Variants in LSAMP observed in about 807,000 individuals in gnomAD.
The protein encoded by LSAMP is limbic system associated membrane protein.
Under a neutral mutation model 38.6 loss-of-function variants are expected in LSAMP, and 7 were observed. The observed-to-expected ratio is 0.18, with a 90% CI of 0.10 to 0.34. LSAMP has a LOEUF of 0.34. LSAMP is among the 10% of genes least tolerant of loss of function. LSAMP has a pLI of 1.00. For synonymous variants in LSAMP, 154 were observed against 166.8 expected, an observed-to-expected ratio of 0.92 and a Z score of 0.59; for missense variants, 313 against 420.0, an observed-to-expected ratio of 0.75 and a Z score of 2.23.
intron 3 of LSAMP, among the ~76,000 whole-genome samples, chr3:115,904,105 G>A (rs1033382020): frequency 2.6e-5 from 4 of 151,822 alleles, no homozygotes; most frequent in African/African-American, 9.7e-5. Context: ...ATCTGTCGAC[G>A]GTAGTCAAAA....
chr3:116,208,681 CT>C (rs1369905065), intron 1 of LSAMP, among the ~76,000 whole-genome samples: 1 of 152,154 alleles, frequency 6.6e-6, no homozygotes, highest in Non-Finnish European at 1.5e-5. Context: ...CAGTGTGCCC[CT>C]GCTGGGGGGT....
chr3:115,944,476 T>C (rs1938031076), intron 3 of LSAMP, among the ~76,000 whole-genome samples: 1 of 152,066 alleles, frequency 6.6e-6, no homozygotes, highest in Admixed American at 6.6e-5. Context: ...TTGTTCCTGA[T>C]GGAAAAAACA....
chr3:115,822,606 C>T (rs1402457081), intron 6 of LSAMP, among the ~76,000 whole-genome samples: 4 of 152,050 alleles, frequency 2.6e-5, no homozygotes, highest in East Asian at 1.9e-4. Context: ...GTGATCTGCC[C>T]GCCTTGGCCT....
chr3:116,058,055 G>A (rs1941524137), intron 2 of LSAMP, among the ~76,000 whole-genome samples: 1 of 151,916 alleles, frequency 6.6e-6, no homozygotes, highest in Non-Finnish European at 1.5e-5. Context: ...TCTACTGGGA[G>A]TTAGATGCCA....
At chr3:116,124,018 C>T (rs537661769) in intron 1 of LSAMP, among the ~76,000 whole-genome samples, 3 of 152,244 alleles carry the variant, frequency 2.0e-5, no homozygotes, top group East Asian at 3.9e-4. Context: ...GCTTCCTTAC[C>T]ATCTTGTATG....
chr3:116,236,421 C>A (rs1311103020), intron 1 of LSAMP, among the ~76,000 whole-genome samples: 1 of 151,848 alleles, frequency 6.6e-6, no homozygotes, highest in Non-Finnish European at 1.5e-5. Flanking sequence ...AAAAGAATAC[C>A]AAATGTAAAA....
chr3:115,933,171 A>T (rs912806928), intron 3 of LSAMP, among the ~76,000 whole-genome samples: 2 of 152,202 alleles, frequency 1.3e-5, no homozygotes, highest in African/African-American at 2.4e-5. Context: ...GCTTTTAAAA[A>T]GGCATTGGGA....
intron 1 of LSAMP, among the ~76,000 whole-genome samples, chr3:116,123,954 T>G (rs1478042207): frequency 6.6e-6 from 1 of 152,104 alleles, no homozygotes. Flanking sequence ...AGATATGATG[T>G]GGATAAAAAG....
intron 3 of LSAMP, among the ~76,000 whole-genome samples, chr3:115,886,473 T>G (rs1405987408): frequency 6.6e-6 from 1 of 151,962 alleles, no homozygotes; most frequent in African/African-American, 2.4e-5. Context: ...AGGTGGTTAT[T>G]TAGTTGAAAG....
chr3:116,009,787 C>G (rs540903643), intron 3 of LSAMP, among the ~76,000 whole-genome samples: 2 of 152,208 alleles, frequency 1.3e-5, no homozygotes, highest in East Asian at 3.9e-4. Context: ...TTCCCTAACA[C>G]ACCCTCACCC....
rs151327140 is a variant in LSAMP at position 115,904,732 on chromosome 3, T to G, written c.515-52115A>C. Among the ~76,000 whole-genome samples the G allele has an allele frequency of 3.9e-5, 6 of 152,252 alleles. No homozygotes were observed. In the East Asian group the frequency reaches 1.2e-3, roughly 29 times the overall value. On this transcript the variant is annotated intron_variant, in intron 3 of 6. Coordinates refer to ENST00000490035, the MANE Select transcript of LSAMP (RefSeq NM_002338.5). ...AGAACAGAACATCAACGTTCCTTCC[T>G]CTGGTAACCTGTCTTACTCATTTCA...
intron 1 of LSAMP, among the ~76,000 whole-genome samples, chr3:116,425,046 G>T (rs1576214719): frequency 6.6e-6 from 1 of 150,918 alleles, no homozygotes; most frequent in South Asian, 2.1e-4. Context: ...CAAATAAATT[G>T]TCTACCGTGC....
At position 116,101,966 on chromosome 3, in the gene LSAMP, G is replaced by A. The variant is rs184340893; in HGVS notation, c.156-15410C>T. Among the ~76,000 whole-genome samples the A allele has an allele frequency of 3.9e-3, 600 of 152,292 alleles. 3 individuals are homozygous for A. Among genetic ancestry groups the A allele is most frequent in the African/African-American group, 0.014 (579 of 41,568 alleles). On this transcript the variant is annotated intron_variant, in intron 1 of 6. Transcript: ENST00000490035. ...CCACCTATGAGTTTATAGAGGGATT[G>A]TGATTAGATCATAATCAGTTTTCTC... is the stretch of plus-strand genomic sequence containing the variant.
intron 1 of LSAMP, among the ~76,000 whole-genome samples, chr3:116,291,037 G>A (rs991995449): frequency 2.6e-5 from 4 of 151,938 alleles, no homozygotes; most frequent in Admixed American, 6.6e-5. Context: ...GTTAATCTTC[G>A]CAATGGTTGC....
chr3:116,324,605 G>A (rs1458372614), intron 1 of LSAMP, among the ~76,000 whole-genome samples: 1 of 152,046 alleles, frequency 6.6e-6, no homozygotes, highest in Admixed American at 6.6e-5. Context: ...CACAACATAA[G>A]GCTTTAGTCT....
Position 116,078,161 on chromosome 3 carries a change from T to C in LSAMP, c.388+8163A>G, listed in dbSNP as rs141398730. ...TTCCACTTGCAAGTTTTAGTATCCA[T>C]TGATATTTCTTGCTGGAATTAATTA... is the stretch of plus-strand genomic sequence containing the variant. On this transcript the variant is annotated intron_variant, in intron 2 of 6. Transcript: ENST00000490035. Among the ~76,000 whole-genome samples, 301 of 152,252 alleles carry C rather than the reference T, an allele frequency of 2.0e-3. 2 individuals are homozygous for C. The highest frequency in any genetic ancestry group is 6.8e-3 in the African/African-American group (283 of 41,572).
intron 2 of LSAMP, among the ~76,000 whole-genome samples, chr3:116,084,385 G>A (rs1341787964): frequency 6.6e-6 from 1 of 150,396 alleles, no homozygotes; most frequent in Non-Finnish European, 1.5e-5. Flanking sequence ...TTGGGCATTT[G>A]GTGCTAAGAG....
chr3:115,831,075 T>C (rs1301153865), intron 6 of LSAMP, among the ~76,000 whole-genome samples: 1 of 152,172 alleles, frequency 6.6e-6, no homozygotes, highest in Non-Finnish European at 1.5e-5. Context: ...GACAGCTGTA[T>C]TAATCATGCA....
intron 3 of LSAMP, among the ~76,000 whole-genome samples, chr3:115,991,871 C>T (rs1019850095): frequency 6.6e-6 from 1 of 152,034 alleles, no homozygotes; most frequent in Non-Finnish European, 1.5e-5. Flanking sequence ...CTGTTGCAAG[C>T]TCCAATGGCA....
Sources: gnomAD v4.1 joint callset for allele counts (sites outside exome capture counted in the v4.1 genomes callset) on GRCh38, gnomAD v4.1.1 for gene constraint, MANE v1.5 for transcripts, NCBI Gene and HGNC (gene_info 2026-07-23, HGNC 2026-07-21) for gene names.